TBC1D22A: variants seen among roughly 807,000 people sequenced by gnomAD.
The protein encoded by TBC1D22A is TBC1 domain family member 22A.
In TBC1D22A, 38 loss-of-function variants were observed where a neutral mutation model predicts 60.2. The ratio of observed to expected loss-of-function variants is 0.63; its 90% CI spans 0.49 to 0.83. The LOEUF is 0.83. Among genes scored for constraint, TBC1D22A ranks in the 40% least tolerant of loss-of-function variants. The probability of loss-of-function intolerance (pLI) is 0.00; values close to 1 mark genes in which losing one functional copy is unlikely to be tolerated. For synonymous variants in TBC1D22A, 302 were observed against 281.7 expected (o/e 1.07, Z -0.72); for missense variants, 628 against 701.0 (o/e 0.90, Z 1.18).
chr22:46,892,663 G>A (rs573757122), intron 6 of TBC1D22A, among the ~76,000 whole-genome samples: 8 of 152,336 alleles, frequency 5.3e-5, no homozygotes, highest in South Asian at 2.1e-4. Context: ...TAAATTTGGC[G>A]TTGTTTTGAA....
At chr22:46,809,685 G>A (rs2085301399) in intron 4 of TBC1D22A, among the ~76,000 whole-genome samples, 1 of 152,084 alleles carries the variant, frequency 6.6e-6, no homozygotes, top group Admixed American at 6.6e-5. Context: ...AGTGACCTGG[G>A]CAGTGTCTTC....
chr22:47,031,531 T>C (rs986117933), intron 10 of TBC1D22A, among the ~76,000 whole-genome samples: 2 of 152,232 alleles, frequency 1.3e-5, no homozygotes, highest in African/African-American at 4.8e-5. Context: ...CTTGCAGATG[T>C]ACTGGGCTTT....
intron 12 of TBC1D22A, among the ~76,000 whole-genome samples, chr22:47,136,777 C>T (rs2066890091): frequency 6.6e-6 from 1 of 152,196 alleles, no homozygotes; most frequent in Admixed American, 6.5e-5. Context: ...TGCCTGTGCC[C>T]CCAGGACACC....
intron 10 of TBC1D22A, among the ~76,000 whole-genome samples, chr22:47,016,254 C>T (rs990704629): frequency 2.6e-5 from 4 of 152,114 alleles, no homozygotes; most frequent in African/African-American, 7.2e-5. Flanking sequence ...GCCCCTGTCA[C>T]ACTTGGTGAC....
intron 12 of TBC1D22A, among the ~76,000 whole-genome samples, chr22:47,153,809 G>A (rs1225349181): frequency 1.3e-5 from 2 of 152,164 alleles, no homozygotes; most frequent in Non-Finnish European, 1.5e-5. Context: ...GTGACTGGCC[G>A]AGTGCTGTCG....
chr22:46,810,006 A>C (rs2085313836), intron 4 of TBC1D22A, among the ~76,000 whole-genome samples: 1 of 152,202 alleles, frequency 6.6e-6, no homozygotes, highest in Admixed American at 6.5e-5. Context: ...TTAAAATTGC[A>C]TATCTAAGTC....
chr22:46,906,076 C>T (rs910860605), intron 7 of TBC1D22A, among the ~76,000 whole-genome samples: 4 of 152,024 alleles, frequency 2.6e-5, no homozygotes, highest in Admixed American at 6.6e-5. Context: ...CTGCGACCTG[C>T]GTTTGGCTTA....
intron 4 of TBC1D22A, among the ~76,000 whole-genome samples, chr22:46,810,846 G>A (rs543737995): frequency 6.6e-6 from 1 of 152,256 alleles, no homozygotes; most frequent in African/African-American, 2.4e-5. Flanking sequence ...CTTCCATTAA[G>A]GAACTCAGAT....
chr22:46,897,545 C>T (rs2068739115), intron 7 of TBC1D22A, among the ~76,000 whole-genome samples: 1 of 148,416 alleles, frequency 6.7e-6, no homozygotes, highest in East Asian at 1.9e-4. Flanking sequence ...TTTTCATCTG[C>T]CACGCAGAAG....
chr22:47,063,858 T>A (rs1012769770), intron 11 of TBC1D22A, among the ~76,000 whole-genome samples: 2 of 152,246 alleles, frequency 1.3e-5, no homozygotes, highest in Admixed American at 1.3e-4. Flanking sequence ...CCTCTGTCGC[T>A]ACGTAGCCTT....
chr22:47,071,654 A>G (rs2063995062), intron 11 of TBC1D22A, among the ~76,000 whole-genome samples: 1 of 152,190 alleles, frequency 6.6e-6, no homozygotes, highest in South Asian at 2.1e-4. Flanking sequence ...CTGTCCATTA[A>G]TCATCCTCTG....
intron 12 of TBC1D22A, among the ~76,000 whole-genome samples, chr22:47,158,221 C>T (rs956940705): frequency 2.6e-5 from 4 of 152,316 alleles, no homozygotes; most frequent in Non-Finnish European, 4.4e-5. Context: ...CATGCTTCTG[C>T]AGTTGACATA....
chr22:46,901,845 C>A (rs890775243), intron 7 of TBC1D22A, among the ~76,000 whole-genome samples: 3 of 152,166 alleles, frequency 2.0e-5, no homozygotes, highest in African/African-American at 7.2e-5. Context: ...CTATTTTGCT[C>A]CTCTCCCAGA....
chr22:46,824,813 G>A (rs552343620), intron 4 of TBC1D22A, among the ~76,000 whole-genome samples: 2 of 152,220 alleles, frequency 1.3e-5, no homozygotes, highest in Admixed American at 6.5e-5. Context: ...TGGCTGTTGA[G>A]GATGGGGCAA....
chr22:46,909,903 A>C (rs2069783747), intron 7 of TBC1D22A, among the ~76,000 whole-genome samples: 1 of 152,180 alleles, frequency 6.6e-6, no homozygotes, highest in African/African-American at 2.4e-5. Flanking sequence ...GTGGTGCAGC[A>C]CTGTTGGCTG....
chr22:46,998,624 T>A (rs1000383335), intron 10 of TBC1D22A, among the ~76,000 whole-genome samples: 3 of 152,274 alleles, frequency 2.0e-5, no homozygotes, highest in Non-Finnish European at 4.4e-5. Context: ...AACAGCAGTC[T>A]TCACGGGAAG....
chr22:47,102,818 G>A lies in TBC1D22A; in HGVS notation c.1330-8690G>A, dbSNP rs193202231. Among the ~76,000 whole-genome samples the A allele has an allele frequency of 2.6e-5, 4 of 152,310 alleles. No individual in the cohort carries two copies. The East Asian group carries it at 7.7e-4, about 29-fold the overall frequency. On this transcript the variant is annotated intron_variant, in intron 11 of 12. Coordinates refer to ENST00000337137, the MANE Select transcript of TBC1D22A (RefSeq NM_014346.5). ...GCACTCCCTGGTTAAATAAAAGGCT[G>A]TTAAGCAAATTCAGAGTGTAAACAG...
intron 1 of TBC1D22A, chr22:46,789,063 C>T (rs2084288872): frequency 6.1e-6 from 1 of 164,012 alleles, no homozygotes; most frequent in Admixed American, 6.5e-5. Context: ...TTTGTCTCAA[C>T]CTTCTGCCAG....
chr22:46,873,515 T>C (rs1341585501), intron 4 of TBC1D22A, among the ~76,000 whole-genome samples: 2 of 152,310 alleles, frequency 1.3e-5, no homozygotes, highest in South Asian at 2.1e-4. Context: ...TTAATTTACT[T>C]ATTTATTTTT....
Sources: allele counts gnomAD v4.1 joint callset (sites outside exome capture counted in the v4.1 genomes callset), GRCh38; gene constraint gnomAD v4.1.1; transcripts MANE v1.5; gene names NCBI Gene and HGNC (gene_info 2026-07-23, HGNC 2026-07-21).